The following DTWD2 variants were observed in gnomAD, a reference collection of about 807,000 sequenced individuals.
DTWD2 encodes DTW motif tRNA-uridine aminocarboxypropyltransferase 2, also known as tRNA-uridine aminocarboxypropyltransferase 2.
In DTWD2, 39 loss-of-function variants were observed where a neutral mutation model predicts 31.8. The ratio of observed to expected loss-of-function variants is 1.22; its 90% confidence interval spans 0.95 to 1.60. The LOEUF (loss-of-function observed/expected upper bound fraction) is 1.60. Ranked by LOEUF, DTWD2 falls within the 40% of genes most tolerant of loss-of-function variation. The pLI is 0.00. For synonymous variants in DTWD2, 180 were observed against 142.8 expected, an observed-to-expected ratio of 1.26 and a Z score of -1.86; for missense variants, 515 against 381.5, an observed-to-expected ratio of 1.35 and a Z score of -2.92.
intron 1 of DTWD2, among the ~76,000 whole-genome samples, chr5:118,959,973 C>G (rs188558674): frequency 1.9e-4 from 29 of 152,212 alleles, no homozygotes; most frequent in African/African-American, 7.0e-4. Context: ...CAATGTAAAA[C>G]CTAAAACTAT....
chr5:118,915,166 A>G (rs1026982127), intron 4 of DTWD2, among the ~76,000 whole-genome samples: 1 of 152,018 alleles, frequency 6.6e-6, no homozygotes, highest in Non-Finnish European at 1.5e-5. Context: ...GCAGTGACCC[A>G]AGACAGGGCT....
rs554177926 is a variant in DTWD2, at chr5:118,942,023, GTTCT to G, written c.309+2532_309+2535del. ...TATCCTTTGTCCACTTTTTGATGGG[GTTCT>G]TTGTTTTTTTCTTGTAAATTTGTTT... On this transcript the variant is annotated intron_variant, in intron 2 of 5. Coordinates refer to ENST00000510708, the MANE Select transcript of DTWD2 (RefSeq NM_173666.4). Among the ~76,000 whole-genome samples the G allele has an allele frequency of 1.7e-3, 257 of 152,252 alleles. 2 individuals carry two copies. Among genetic ancestry groups the G allele is most frequent in the South Asian group, 7.2e-3 (35 of 4,830 alleles).
intron 1 of DTWD2, among the ~76,000 whole-genome samples, chr5:118,952,854 T>C (rs974754669): frequency 3.3e-5 from 5 of 152,290 alleles, no homozygotes; most frequent in Admixed American, 1.3e-4. Flanking sequence ...CACGTCTCTG[T>C]TACTCCCAGG....
chr5:118,851,315 G>A (rs1014056497), intron 4 of DTWD2, among the ~76,000 whole-genome samples: 1 of 152,004 alleles, frequency 6.6e-6, no homozygotes, highest in South Asian at 2.1e-4. Context: ...AATGTCGGCT[G>A]GTCTGAGAAA....
At chr5:118,982,686 CT>C (rs56102830) in intron 1 of DTWD2, among the ~76,000 whole-genome samples, 2,260 of 121,100 alleles carry the variant, frequency 0.019, 25 homozygotes, top group African/African-American at 0.061. Flanking sequence ...AGTTTGTTTT[CT>C]TTTTTTTTTT....
intron 4 of DTWD2, among the ~76,000 whole-genome samples, chr5:118,886,334 A>G (rs1018245662): frequency 2.0e-5 from 3 of 152,248 alleles, no homozygotes; most frequent in Admixed American, 6.5e-5. Flanking sequence ...TGTAGTCTAC[A>G]AAGAAATGCA....
intron 1 of DTWD2, among the ~76,000 whole-genome samples, chr5:118,951,794 C>T (rs1211141069): frequency 6.6e-6 from 1 of 152,050 alleles, no homozygotes; most frequent in African/African-American, 2.4e-5. Context: ...GGTACTTGCC[C>T]CGCCTCGGGG....
chr5:118,913,596 G>C (rs1004849393), intron 4 of DTWD2, among the ~76,000 whole-genome samples: 2 of 151,756 alleles, frequency 1.3e-5, no homozygotes, highest in South Asian at 4.2e-4. Context: ...TTAAGTATAT[G>C]AGAGTTCAAG....
intron 1 of DTWD2, among the ~76,000 whole-genome samples, chr5:118,957,249 T>C (rs1482219087): frequency 6.6e-6 from 1 of 152,064 alleles, no homozygotes; most frequent in Non-Finnish European, 1.5e-5. Context: ...TGAGACATAG[T>C]CTTGCTCTGT....
At chr5:118,928,452 T>C (rs1034175065) in intron 4 of DTWD2, 85 bp downstream of exon 4, 7 of 942,060 alleles carry the variant, frequency 7.4e-6, no homozygotes, top group African/African-American at 5.2e-5. Flanking sequence ...TATATAAAAA[T>C]CTATGTGTAT....
chr5:118,878,827 G>A (rs912960051), intron 4 of DTWD2, among the ~76,000 whole-genome samples: 5 of 152,040 alleles, frequency 3.3e-5, no homozygotes, highest in African/African-American at 4.8e-5. Flanking sequence ...TTAAAAAGTG[G>A]ATAAAGGATA....
chr5:118,919,563 G>A (rs1356670194), intron 4 of DTWD2, among the ~76,000 whole-genome samples: 1 of 152,206 alleles, frequency 6.6e-6, no homozygotes, highest in Non-Finnish European at 1.5e-5. Context: ...AAAATCATGA[G>A]TGTGCAGAAA....
rs1366081918 is a variant in DTWD2, at chr5:118,988,386, G to A, written c.126C>T (p.Ala42=). 1.9e-6 allele frequency: 3 copies of A among 1,587,848 alleles called. No individual in the cohort carries two copies. The highest frequency in any genetic ancestry group is 1.4e-5 in the African/African-American group (1 of 73,568). Residue 42 remains alanine (A), a synonymous_variant, in exon 1 of 6, where the codon GCC becomes GCT. Coordinates refer to ENST00000510708, the MANE Select transcript of DTWD2 (RefSeq NM_173666.4). ...REGGAVPAAA[A]LGAEADDDSA... is the part of the protein sequence containing the mutation. ...TGTCGTCGTCCGCCTCTGCGCCCAGGGCAGCCGCCGCCGGCACTGCGCCGC... is the reference window on the plus strand; with the variant it reads ...TGTCGTCGTCCGCCTCTGCGCCCAGAGCAGCCGCCGCCGGCACTGCGCCGC...
intron 1 of DTWD2, among the ~76,000 whole-genome samples, chr5:118,945,473 T>A (rs536365156): frequency 1.9e-4 from 29 of 152,106 alleles, no homozygotes; most frequent in Non-Finnish European, 3.4e-4. Flanking sequence ...ATTTATAATA[T>A]GAAATTCATG....
At chr5:118,861,509 A>T (rs1445354614) in intron 4 of DTWD2, among the ~76,000 whole-genome samples, 1 of 152,238 alleles carries the variant, frequency 6.6e-6, no homozygotes, top group Non-Finnish European at 1.5e-5. Flanking sequence ...TAGCTGCCCT[A>T]TAAGATCCTC....
intron 4 of DTWD2, among the ~76,000 whole-genome samples, chr5:118,916,980 T>C (rs544035511): frequency 6.6e-6 from 1 of 152,262 alleles, no homozygotes; most frequent in African/African-American, 2.4e-5. Flanking sequence ...CTGAACCTCA[T>C]GAAAATCTAT....
intron 4 of DTWD2, among the ~76,000 whole-genome samples, chr5:118,852,830 T>C (rs1222091427): frequency 6.6e-6 from 1 of 152,048 alleles, no homozygotes; most frequent in Non-Finnish European, 1.5e-5. Flanking sequence ...TCAATCATGA[T>C]GGATTGAATA....
intron 4 of DTWD2, among the ~76,000 whole-genome samples, chr5:118,857,164 C>T (rs866786310): frequency 2.0e-5 from 3 of 151,872 alleles, no homozygotes; most frequent in South Asian, 2.1e-4. Flanking sequence ...AAATTGTAAG[C>T]GATCTTAACA....
rs1751690396 is a variant in DTWD2 at position 118,840,688 on chromosome 5, G to T, written c.*229C>A. On this transcript the variant is annotated 3_prime_UTR_variant, in exon 6 of 6. Transcript: ENST00000510708. ...TTGGGTTTGAAAACATGTATTAGAG[G>T]CACATTTTTAAAAACAAGTACAGTA... 1 of 341,392 alleles carries T rather than the reference G, an allele frequency of 2.9e-6. No homozygotes were observed. The allele number at this position is 341,392 out of a possible 1,614,324, so 21.1% of individuals were successfully genotyped here. A position where few individuals can be genotyped will look rare whatever the true frequency, so the allele number is the denominator to read the frequency against.
Sources: allele counts gnomAD v4.1 joint callset (sites outside exome capture counted in the v4.1 genomes callset), GRCh38; gene constraint gnomAD v4.1.1; transcripts MANE v1.5; gene names NCBI Gene and HGNC (gene_info 2026-07-23, HGNC 2026-07-21).